HCRTR2: variants seen among roughly 807,000 people sequenced by gnomAD.
The protein encoded by HCRTR2 is hypocretin receptor 2, also known as orexin receptor type 2.
HCRTR2 carries 22 observed loss-of-function variants against 49.0 expected under a neutral mutation model. That is an observed-to-expected ratio of 0.45 (90% CI 0.32 to 0.64). The LOEUF (loss-of-function observed/expected upper bound fraction) is 0.64, where lower values mean the gene tolerates loss of function less well. Ranked by LOEUF, HCRTR2 falls within the 30% of genes least tolerant of loss-of-function variation. The probability of loss-of-function intolerance (pLI) is 0.04; values close to 1 mark genes in which losing one functional copy is unlikely to be tolerated. For synonymous variants in HCRTR2, 236 were observed against 205.3 expected, an observed-to-expected ratio of 1.15 and a Z score of -1.28; for missense variants, 491 against 559.4, an observed-to-expected ratio of 0.88 and a Z score of 1.23.
At chr6:55,117,417 G>GT (rs959450106) in intron 1 of HCRTR2, among the ~76,000 whole-genome samples, 36 of 151,512 alleles carry the variant, frequency 2.4e-4, no homozygotes, top group Admixed American at 7.9e-4. Flanking sequence ...CTCTTTTTTT[G>GT]TTTTTGTTTT....
chr6:55,124,793 C>G (rs906045442), intron 1 of HCRTR2, among the ~76,000 whole-genome samples: 2 of 152,066 alleles, frequency 1.3e-5, no homozygotes, highest in African/African-American at 4.8e-5. Context: ...CTGTTTGCTC[C>G]TGTATTTGAT....
intron 1 of HCRTR2, among the ~76,000 whole-genome samples, chr6:55,125,002 G>T (rs1199076143): frequency 6.7e-6 from 1 of 148,224 alleles, no homozygotes; most frequent in Admixed American, 6.8e-5. Flanking sequence ...GAGCCTATAT[G>T]TGTCTTTGCA....
At chr6:55,238,356 G>A (rs1766253964) in intron 1 of HCRTR2, among the ~76,000 whole-genome samples, 1 of 151,864 alleles carries the variant, frequency 6.6e-6, no homozygotes, top group African/African-American at 2.4e-5. Flanking sequence ...TGCTTTCTTG[G>A]AATTTTAAAA....
intron 1 of HCRTR2, among the ~76,000 whole-genome samples, chr6:55,117,403 A>G (rs1229878933): frequency 2.0e-5 from 3 of 151,690 alleles, no homozygotes; most frequent in Non-Finnish European, 4.4e-5. Context: ...ATCTCAGACA[A>G]GTGCTCTTTT....
intron 1 of HCRTR2, among the ~76,000 whole-genome samples, chr6:55,176,735 C>T (rs1249660291): frequency 6.6e-6 from 1 of 152,114 alleles, no homozygotes; most frequent in Non-Finnish European, 1.5e-5. Context: ...CACTCTAGAG[C>T]TAAAAAGCAT....
intron 1 of HCRTR2, among the ~76,000 whole-genome samples, chr6:55,199,492 T>G (rs1765472778): frequency 6.6e-6 from 1 of 152,142 alleles, no homozygotes. Context: ...AACTGCAAAG[T>G]TATCTCCTTT....
intron 5 of HCRTR2, among the ~76,000 whole-genome samples, chr6:55,278,405 T>G (rs1035657239): frequency 2.7e-4 from 41 of 152,156 alleles, no homozygotes; most frequent in African/African-American, 9.7e-4. Context: ...TCCTCTCACT[T>G]TGGCCTGATT....
chr6:55,122,103 T>C (rs942505073), intron 1 of HCRTR2, among the ~76,000 whole-genome samples: 7 of 152,154 alleles, frequency 4.6e-5, no homozygotes, highest in Admixed American at 1.3e-4. Context: ...TGGACTTTTT[T>C]TGGTTGGTAA....
intron 1 of HCRTR2, among the ~76,000 whole-genome samples, chr6:55,198,323 T>C (rs1374133839): frequency 6.6e-6 from 1 of 152,142 alleles, no homozygotes; most frequent in East Asian, 1.9e-4. Flanking sequence ...CCCAAACTTA[T>C]CATTAATCAT....
intron 1 of HCRTR2, among the ~76,000 whole-genome samples, chr6:55,201,584 C>G (rs188521915): frequency 1.1e-4 from 16 of 152,108 alleles, no homozygotes; most frequent in Admixed American, 8.5e-4. Context: ...AAATGATAAG[C>G]AAATATATAA....
At chr6:55,172,508 T>G (rs1386973318), upstream of HCRTR2, among the ~76,000 whole-genome samples, 1 of 152,170 alleles carries the variant, frequency 6.6e-6, no homozygotes, top group East Asian at 1.9e-4. Context: ...AAATGCCCAT[T>G]GATGCCCTTC....
intron 1 of HCRTR2, among the ~76,000 whole-genome samples, chr6:55,224,647 A>C (rs1765963566): frequency 6.6e-6 from 1 of 151,910 alleles, no homozygotes; most frequent in African/African-American, 2.4e-5. Flanking sequence ...AAAGGAAAGA[A>C]AACGTGGTAT....
chr6:55,184,345 C>A (rs191951711), intron 1 of HCRTR2, among the ~76,000 whole-genome samples: 16 of 152,276 alleles, frequency 1.1e-4, no homozygotes, highest in Admixed American at 7.8e-4. Context: ...TTACTAAAAT[C>A]ATTTTTATGA....
chr6:55,217,827 G>T (rs1412728233), intron 1 of HCRTR2, among the ~76,000 whole-genome samples: 1 of 152,004 alleles, frequency 6.6e-6, no homozygotes, highest in African/African-American at 2.4e-5. Flanking sequence ...TCCAGCCTTT[G>T]TCCATTACCC....
At chr6:55,144,305 G>A (rs564843139) in intron 1 of HCRTR2, among the ~76,000 whole-genome samples, 11 of 151,744 alleles carry the variant, frequency 7.2e-5, no homozygotes, top group African/African-American at 2.2e-4. Flanking sequence ...TAGTAGGGAC[G>A]GGGTTTCTCC....
At chr6:55,198,671 C>T (rs958091833) in intron 1 of HCRTR2, among the ~76,000 whole-genome samples, 9 of 152,188 alleles carry the variant, frequency 5.9e-5, no homozygotes, top group Admixed American at 1.3e-4. Context: ...ATTGTATTAT[C>T]CAGAGTTTGT....
intron 1 of HCRTR2, among the ~76,000 whole-genome samples, chr6:55,213,658 C>T (rs1170419564): frequency 6.6e-6 from 1 of 152,132 alleles, no homozygotes; most frequent in Non-Finnish European, 1.5e-5. Flanking sequence ...AGAAGAAATT[C>T]TTGGCTCCTG....
chr6:55,268,529 A>C (rs1240119634), intron 4 of HCRTR2, among the ~76,000 whole-genome samples: 1 of 151,620 alleles, frequency 6.6e-6, no homozygotes, highest in Non-Finnish European at 1.5e-5. Context: ...TAACAGAAGT[A>C]GTACTAAAAT....
intron 1 of HCRTR2, among the ~76,000 whole-genome samples, chr6:55,179,585 A>T (rs1423190795): frequency 6.6e-6 from 1 of 152,190 alleles, no homozygotes; most frequent in African/African-American, 2.4e-5. Context: ...AATGAGAATA[A>T]CATGTGCAAC....
Sources: gnomAD v4.1 joint callset for allele counts (sites outside exome capture counted in the v4.1 genomes callset) on GRCh38, gnomAD v4.1.1 for gene constraint, MANE v1.5 for transcripts, NCBI Gene and HGNC (gene_info 2026-07-23, HGNC 2026-07-21) for gene names.